The following CDH2 variants were observed in gnomAD, a reference collection of about 807,000 sequenced individuals.
The protein encoded by CDH2 is cadherin-2.
CDH2 carries 17 observed loss-of-function variants against 92.0 expected under a neutral mutation model. That is an observed-to-expected ratio of 0.18 (90% CI 0.13 to 0.28). The LOEUF is 0.28. CDH2 is among the 10% of genes least tolerant of loss of function. CDH2 has a pLI of 1.00. For missense variants in CDH2, 862 were observed against 1,133.1 expected, an observed-to-expected ratio of 0.76 and a Z score of 3.44; for synonymous variants, 419 against 415.9, an observed-to-expected ratio of 1.01 and a Z score of -0.09.
At chr18:27,980,349 G>A (rs938591180) in intron 14 of CDH2, among the ~76,000 whole-genome samples, 2 of 152,126 alleles carry the variant, frequency 1.3e-5, no homozygotes, top group African/African-American at 4.8e-5. Flanking sequence ...AGGTGGATTG[G>A]GATGTTAAAG....
At chr18:28,029,074 C>T (rs1309112056) in intron 2 of CDH2, among the ~76,000 whole-genome samples, 1 of 152,088 alleles carries the variant, frequency 6.6e-6, no homozygotes, top group Non-Finnish European at 1.5e-5. Flanking sequence ...TCACTACTTT[C>T]CAACTTTTCA....
At chr18:27,980,349 G>T (rs938591180) in intron 14 of CDH2, among the ~76,000 whole-genome samples, 1 of 152,126 alleles carries the variant, frequency 6.6e-6, no homozygotes, top group African/African-American at 2.4e-5. Context: ...AGGTGGATTG[G>T]GATGTTAAAG....
chr18:28,021,305 A>G (rs1269223510), intron 2 of CDH2, among the ~76,000 whole-genome samples: 2 of 151,974 alleles, frequency 1.3e-5, no homozygotes, highest in Non-Finnish European at 2.9e-5. Context: ...CCTTCCTTCC[A>G]TCAACATTAA....
intron 2 of CDH2, among the ~76,000 whole-genome samples, chr18:28,020,330 C>T (rs1175000650): frequency 6.6e-6 from 1 of 151,902 alleles, no homozygotes; most frequent in Non-Finnish European, 1.5e-5. Context: ...TTTTTTAGTT[C>T]ATAGCCTTTC....
At chr18:28,051,758 A>G (rs2014196039) in intron 2 of CDH2, among the ~76,000 whole-genome samples, 1 of 152,154 alleles carries the variant, frequency 6.6e-6, no homozygotes, top group South Asian at 2.1e-4. Flanking sequence ...AACTACATGA[A>G]TCAAACTCCT....
At chr18:28,059,550 C>T (rs996580723) in intron 2 of CDH2, among the ~76,000 whole-genome samples, 2 of 152,218 alleles carry the variant, frequency 1.3e-5, no homozygotes, top group Non-Finnish European at 2.9e-5. Context: ...AACTCTATAA[C>T]TAACTTCCAT....
At chr18:28,025,125 T>C (rs1292402860) in intron 2 of CDH2, among the ~76,000 whole-genome samples, 1 of 152,124 alleles carries the variant, frequency 6.6e-6, no homozygotes, top group Admixed American at 6.6e-5. Context: ...TGGTGGTTGC[T>C]CCATGAGTGA....
intron 2 of CDH2, among the ~76,000 whole-genome samples, chr18:28,127,151 T>A (rs1365858037): frequency 2.0e-5 from 3 of 152,234 alleles, no homozygotes; most frequent in African/African-American, 7.2e-5. Context: ...ACTGTATTAA[T>A]TTTTAAAAAT....
chr18:28,112,047 C>A (rs973305596), intron 2 of CDH2, among the ~76,000 whole-genome samples: 2 of 152,134 alleles, frequency 1.3e-5, no homozygotes, highest in African/African-American at 4.8e-5. Context: ...GGGTAACAGA[C>A]AATGAGCCCG....
chr18:28,111,991 T>C (rs2015420775), intron 2 of CDH2, among the ~76,000 whole-genome samples: 1 of 152,210 alleles, frequency 6.6e-6, no homozygotes, highest in Admixed American at 6.5e-5. Flanking sequence ...CCACACATAT[T>C]CTTCTATCTA....
chr18:28,045,843 A>G (rs981348644), intron 2 of CDH2, among the ~76,000 whole-genome samples: 1 of 152,198 alleles, frequency 6.6e-6, no homozygotes, highest in Admixed American at 6.5e-5. Flanking sequence ...TGCTGAATGA[A>G]TAAAGGTAGA....
At chr18:28,043,716 T>C (rs1427683909) in intron 2 of CDH2, among the ~76,000 whole-genome samples, 1 of 150,754 alleles carries the variant, frequency 6.6e-6, no homozygotes, top group Non-Finnish European at 1.5e-5. Flanking sequence ...CATTCTGAGT[T>C]AACAAGTAAA....
intron 2 of CDH2, among the ~76,000 whole-genome samples, chr18:28,123,091 C>G (rs576343334): frequency 6.6e-6 from 1 of 152,154 alleles, no homozygotes; most frequent in South Asian, 2.1e-4. Context: ...TATCTTGATA[C>G]AAGTGTTAGA....
At chr18:27,969,642 G>A (rs910897611) in intron 14 of CDH2, among the ~76,000 whole-genome samples, 3 of 152,114 alleles carry the variant, frequency 2.0e-5, no homozygotes, top group African/African-American at 7.2e-5. Flanking sequence ...AAACAGACTC[G>A]GTTACTAACA....
intron 2 of CDH2, among the ~76,000 whole-genome samples, chr18:28,095,311 T>G (rs755406938): frequency 2.0e-5 from 3 of 152,148 alleles, no homozygotes; most frequent in Non-Finnish European, 4.4e-5. Flanking sequence ...TCGGGTGCAA[T>G]GGCTCATGCC....
At chr18:27,992,947 A>G (rs1377406659) in intron 8 of CDH2, 107 bp from the exon 9 acceptor site, 7 of 667,106 alleles carry the variant, frequency 1.0e-5, no homozygotes, top group Non-Finnish European at 1.8e-5. Context: ...GATTTTTATT[A>G]TCTACACTAA....
At chr18:28,131,906 T>A (rs1179895736) in intron 2 of CDH2, among the ~76,000 whole-genome samples, 1 of 152,180 alleles carries the variant, frequency 6.6e-6, no homozygotes, top group Non-Finnish European at 1.5e-5. Flanking sequence ...ACATCCAAAC[T>A]TGTGTTCACA....
intron 6 of CDH2, among the ~76,000 whole-genome samples, chr18:27,943,586 G>A (rs1255616218): frequency 1.3e-5 from 2 of 152,158 alleles, no homozygotes; most frequent in South Asian, 2.1e-4. Context: ...AAGTAATGAT[G>A]AGTCTATAAG....
chr18:28,078,862 T>C (rs1209229444), intron 2 of CDH2, among the ~76,000 whole-genome samples: 1 of 152,120 alleles, frequency 6.6e-6, no homozygotes, highest in African/African-American at 2.4e-5. Flanking sequence ...TATTTCACAT[T>C]TGGTTGAACA....
Sources: allele counts gnomAD v4.1 joint callset (sites outside exome capture counted in the v4.1 genomes callset), GRCh38; gene constraint gnomAD v4.1.1; transcripts MANE v1.5; gene names NCBI Gene and HGNC (gene_info 2026-07-23, HGNC 2026-07-21).